The following ZNF345 variants were observed in gnomAD, a reference collection of about 807,000 sequenced individuals.
ZNF345 encodes zinc finger protein HZF10.
For synonymous variants in ZNF345, 166 were observed against 187.9 expected, an observed-to-expected ratio of 0.88 and a Z score of 0.95; for missense variants, 527 against 589.9, an observed-to-expected ratio of 0.89 and a Z score of 1.10.
intron 2 of ZNF345, among the ~76,000 whole-genome samples, chr19:36,870,458 G>A (rs144975743): frequency 1.3e-5 from 2 of 151,932 alleles, no homozygotes; most frequent in East Asian, 1.9e-4. Context: ...GCCCTTCTGC[G>A]TTGAGTTCTT....
chr19:36,859,690 TAAG>T (rs1167289952), intron 2 of ZNF345, among the ~76,000 whole-genome samples: 1 of 152,190 alleles, frequency 6.6e-6, no homozygotes, highest in African/African-American at 2.4e-5. Flanking sequence ...ATATTTAACA[TAAG>T]AATTATTTAG....
In ZNF345 at chr19:36,864,627, C is replaced by G. The variant is rs190881779; in HGVS notation, c.-46-12158C>G. Reference sequence around the variant, plus strand: ...AACATCCAGCCCTTGTTGGAGAGTGCACATCCGTGGCTCATTGAATGACAG... The same window carrying G: ...AACATCCAGCCCTTGTTGGAGAGTGGACATCCGTGGCTCATTGAATGACAG... On this transcript the variant is annotated intron_variant, in intron 2 of 2. Coordinates refer to ENST00000420450, the MANE Select transcript of ZNF345 (RefSeq NM_001242472.2). 3.7e-3 allele frequency among the ~76,000 whole-genome samples: 567 copies of G among 152,184 alleles called. 2 individuals carry two copies. The highest frequency in any genetic ancestry group is 6.4e-3 in the Non-Finnish European group (435 of 68,012).
chr19:36,863,107 C>T (rs2072587270), intron 2 of ZNF345: 1 of 152,144 alleles, frequency 6.6e-6, no homozygotes, highest in Admixed American at 6.5e-5. Context: ...TTTAAACCAT[C>T]CAGTCAGTGG....
chr19:36,860,789 C>T (rs554052787), intron 2 of ZNF345, among the ~76,000 whole-genome samples: 2 of 152,262 alleles, frequency 1.3e-5, no homozygotes, highest in East Asian at 3.9e-4. Context: ...TGACAGTTGT[C>T]TATTTGTAAT....
At chr19:36,883,451 A>C (rs1035018645), downstream of ZNF345, among the ~76,000 whole-genome samples, 6 of 151,962 alleles carry the variant, frequency 3.9e-5, no homozygotes, top group Admixed American at 3.9e-4. Flanking sequence ...TTTCCCTTGA[A>C]CTCCACACTC....
intron 3 of ZNF345, chr19:36,891,469 A>G (rs2146222510): frequency 1.3e-6 from 2 of 1,516,162 alleles, no homozygotes. Flanking sequence ...AAGGTTAACA[A>G]AATGGTCTTA....
intron 2 of ZNF345, among the ~76,000 whole-genome samples, chr19:36,871,589 C>T (rs1600709730): frequency 2.6e-5 from 4 of 151,844 alleles, no homozygotes; most frequent in African/African-American, 9.7e-5. Flanking sequence ...TAGACAGCTC[C>T]AGTAGTCTTC....
At chr19:36,890,976 T>C (rs952018184) in intron 3 of ZNF345, 2 of 152,894 alleles carry the variant, frequency 1.3e-5, no homozygotes, top group African/African-American at 2.4e-5. Flanking sequence ...CCTAAAAAGA[T>C]ATGCTGAAGT....
chr19:36,867,745 T>A (rs1485335564), intron 2 of ZNF345, among the ~76,000 whole-genome samples: 1 of 152,210 alleles, frequency 6.6e-6, no homozygotes, highest in Non-Finnish European at 1.5e-5. Context: ...GAGACATTTC[T>A]TTCTCCATTC....
chr19:36,869,742 TC>T (rs1568356367), intron 2 of ZNF345, among the ~76,000 whole-genome samples: 2 of 151,814 alleles, frequency 1.3e-5, no homozygotes, highest in African/African-American at 4.8e-5. Context: ...TTTAGTGGTT[TC>T]TTTTCTCTTG....
chr19:36,853,142 A>G (rs1168874927), intron 2 of ZNF345, among the ~76,000 whole-genome samples: 3 of 152,014 alleles, frequency 2.0e-5, no homozygotes, highest in Admixed American at 6.6e-5. Flanking sequence ...TCATTGTAAT[A>G]AAATCATTTC....
chr19:36,891,564 G>T, intron 3 of ZNF345: 14 of 1,612,246 alleles, frequency 8.7e-6, no homozygotes, highest in Non-Finnish European at 1.2e-5. Context: ...ATTCCTTACA[G>T]TCATAGGGTT....
At chr19:36,892,728 C>T (rs933406834) in intron 3 of ZNF345, 2 of 561,188 alleles carry the variant, frequency 3.6e-6, no homozygotes, top group Admixed American at 7.2e-5. Flanking sequence ...TCACCTTAAG[C>T]CTTGGTGAAT....
At chr19:36,865,243 C>T (rs1249151853) in intron 2 of ZNF345, among the ~76,000 whole-genome samples, 1 of 152,122 alleles carries the variant, frequency 6.6e-6, no homozygotes, top group Non-Finnish European at 1.5e-5. Flanking sequence ...CAAAGCTTAA[C>T]ATTGTTCTGG....
At chr19:36,881,076 ATAG>A (rs1283591057), downstream of ZNF345, among the ~76,000 whole-genome samples, 1 of 152,224 alleles carries the variant, frequency 6.6e-6, no homozygotes, top group Admixed American at 6.5e-5. Flanking sequence ...GAAAACAAAA[ATAG>A]TAGCAGTTCT....
At chr19:36,855,961 G>A (rs1043153510) in intron 2 of ZNF345, among the ~76,000 whole-genome samples, 1 of 152,142 alleles carries the variant, frequency 6.6e-6, no homozygotes, top group Non-Finnish European at 1.5e-5. Context: ...GTGACCTTAA[G>A]TATCAGAAAA....
intron 3 of ZNF345, among the ~76,000 whole-genome samples, chr19:36,886,041 G>A (rs987773223): frequency 1.1e-4 from 16 of 152,120 alleles, no homozygotes; most frequent in Non-Finnish European, 2.1e-4. Flanking sequence ...TGATTTAGAT[G>A]ATATCACTCC....
At chr19:36,892,237 T>C (rs750921844) in intron 3 of ZNF345, 1 of 1,614,082 alleles carries the variant, frequency 6.2e-7, no homozygotes, top group Non-Finnish European at 8.5e-7. Flanking sequence ...CTCCTTAGAT[T>C]CATAGTGTTT....
At chr19:36,856,642 G>A (rs2072424762) in intron 2 of ZNF345, among the ~76,000 whole-genome samples, 1 of 151,984 alleles carries the variant, frequency 6.6e-6, no homozygotes, top group African/African-American at 2.4e-5. Context: ...CATCACCTGA[G>A]GTCAGGAATT....
Sources: allele counts gnomAD v4.1 joint callset (sites outside exome capture counted in the v4.1 genomes callset), GRCh38; gene constraint gnomAD v4.1.1; transcripts MANE v1.5; gene names NCBI Gene and HGNC (gene_info 2026-07-23, HGNC 2026-07-21).